The following SGSM3 variants were observed in gnomAD, a reference collection of about 807,000 sequenced individuals.
The protein encoded by SGSM3 is small G protein signaling modulator 3.
Under a neutral mutation model 100.5 loss-of-function variants are expected in SGSM3, and 96 were observed. The observed-to-expected ratio is 0.96, with a 90% CI of 0.81 to 1.13. The LOEUF is 1.13. SGSM3 is among the 50% of genes most tolerant of loss of function. SGSM3 has a pLI of 0.00. For synonymous variants in SGSM3, 483 were observed against 422.8 expected, an observed-to-expected ratio of 1.14 and a Z score of -1.75; for missense variants, 1,001 against 1,015.8, an observed-to-expected ratio of 0.99 and a Z score of 0.20.
rs1042550460 is a variant in SGSM3 at position 40,410,148 on chromosome 22, G to A, written c.*389G>A. ...TCTGTGCAGCTAGGGCTGCAGAGCT[G>A]TATTCAGGTCCAAGGTTCTGCCCTT... On this transcript the variant is annotated 3_prime_UTR_variant, in exon 22 of 22. Coordinates refer to ENST00000248929, the MANE Select transcript of SGSM3 (RefSeq NM_015705.6). 1.8e-6 allele frequency: 2 copies of A among 1,111,264 alleles called. No individual in the cohort carries two copies. The highest frequency in any genetic ancestry group is 1.6e-5 in the African/African-American group (1 of 61,602). 68.8% of individuals were successfully genotyped at this position (1,111,264 alleles called of 1,614,324 possible).
In SGSM3 at chr22:40,409,146, G is replaced by A. The variant is rs1602151584; in HGVS notation, c.1989-104G>A. The stretch of plus-strand genomic sequence containing the variant: ...GGGGCTCAGGTCCTTCCCCAAAGAG[G>A]GTGGTCTGGGAGCTGCTGAGAGACA... On this transcript the variant is annotated intron_variant, in intron 19 of 21. Transcript: ENST00000248929. 4 of 1,557,274 alleles carry A rather than the reference G, an allele frequency of 2.6e-6. No homozygotes were observed. The African/African-American group carries it at 4.1e-5, about 16-fold the overall frequency.
rs115360539 is a variant in SGSM3 at position 40,408,928 on chromosome 22, C to T, written c.1903-5C>T. On this transcript the variant is annotated splice_polypyrimidine_tract_variant and splice_region_variant and intron_variant, in intron 18 of 21. Coordinates refer to ENST00000248929, the MANE Select transcript of SGSM3 (RefSeq NM_015705.6). ...CTGAGTGACAGCTGACGGTGCCGTT[C>T]CCAGGCTGTGCAGTCTGTGAACGTG... 26 of 1,613,044 alleles carry T rather than the reference C, an allele frequency of 1.6e-5. No homozygotes were observed. The highest frequency in any genetic ancestry group is 2.2e-5 in the East Asian group (1 of 44,850).
chr22:40,397,572 G>T (rs1287964399), intron 1 of SGSM3, among the ~76,000 whole-genome samples: 1 of 152,108 alleles, frequency 6.6e-6, no homozygotes, highest in Non-Finnish European at 1.5e-5. Flanking sequence ...TACTTTCCCA[G>T]CTCACTGAGA....
At chr22:40,380,946 ATAAAT>A (rs1220940084) in intron 1 of SGSM3, among the ~76,000 whole-genome samples, 2 of 152,158 alleles carry the variant, frequency 1.3e-5, no homozygotes. Context: ...AAATAAATTA[ATAAAT>A]TAAAAATACA....
chr22:40,404,917 G>C (rs1306314814), intron 6 of SGSM3, among the ~76,000 whole-genome samples: 1 of 152,190 alleles, frequency 6.6e-6, no homozygotes, highest in African/African-American at 2.4e-5. Context: ...ATAGACTCCA[G>C]GCCTCGGGCC....
At chr22:40,390,752 C>A (rs1462374788) in intron 1 of SGSM3, among the ~76,000 whole-genome samples, 1 of 152,150 alleles carries the variant, frequency 6.6e-6, no homozygotes, top group African/African-American at 2.4e-5. Context: ...GAGAGAGTAT[C>A]AAATAAGGCT....
At position 40,398,991 on chromosome 22, in the gene SGSM3, T is replaced by C. The variant is rs1396957597; in HGVS notation, c.-111-1705T>C. On this transcript the variant is annotated intron_variant, in intron 1 of 21. Coordinates refer to ENST00000248929, the MANE Select transcript of SGSM3 (RefSeq NM_015705.6). Reference sequence around the variant, plus strand: ...AGGATTGGACTGGAGATGTCTTTACTTTTTTTTTTTGAGACAGAGTCTCAC... The same window carrying C: ...AGGATTGGACTGGAGATGTCTTTACCTTTTTTTTTTGAGACAGAGTCTCAC... 1.5e-5 allele frequency among the ~76,000 whole-genome samples: 2 copies of C among 132,382 alleles called. 1 individual carries two copies. Among genetic ancestry groups the C allele is most frequent in the Non-Finnish European group, 3.2e-5 (2 of 61,856 alleles). The allele number at this position is 132,382 out of a possible 152,430, so 86.8% of individuals were successfully genotyped here. A position where few individuals can be genotyped will look rare whatever the true frequency, so the allele number is the denominator to read the frequency against.
chr22:40,401,646 C>A lies in SGSM3; in HGVS notation c.61C>A (p.Pro21Thr), dbSNP rs756456544. The A allele has an allele frequency of 6.2e-6, 10 of 1,613,304 alleles. No homozygotes were observed. The South Asian group carries it at 1.1e-4, about 18-fold the overall frequency. Residue 21 changes from proline to threonine, a missense_variant, in exon 3 of 22, where the codon CCC becomes ACC. Transcript: ENST00000248929. ...CTCAGCCCTGACTCCGAGCATATGGCCCCAGGAGATCTTGGCCAAGTACAC... is the reference window on the plus strand; with the variant it reads ...CTCAGCCCTGACTCCGAGCATATGGACCCAGGAGATCTTGGCCAAGTACAC... ...PFSALTPSIW[P>T]QEILAKYTQK...
chr22:40,380,377 T>C (rs1268179779), intron 1 of SGSM3, among the ~76,000 whole-genome samples: 2 of 151,282 alleles, frequency 1.3e-5, no homozygotes, highest in African/African-American at 4.9e-5. Flanking sequence ...TTTTTTTTTT[T>C]TTTTCCTGAG....
intron 1 of SGSM3, chr22:40,387,543 C>T (rs1397821515): frequency 4.4e-6 from 1 of 225,214 alleles, no homozygotes; most frequent in African/African-American, 2.3e-5. Context: ...CAGTGGCCTT[C>T]TTTGCCAGTC....
chr22:40,384,712 C>T (rs892355069), intron 1 of SGSM3, among the ~76,000 whole-genome samples: 3 of 152,052 alleles, frequency 2.0e-5, no homozygotes, highest in Non-Finnish European at 4.4e-5. Context: ...ATCTGGGAGG[C>T]GGAGTTTGCA....
Position 40,409,028 on chromosome 22 carries a change from GA to G in SGSM3, c.1988+14del. 1 of 1,559,010 alleles carries G rather than the reference GA, an allele frequency of 6.4e-7. No individual in the cohort carries two copies. Among genetic ancestry groups the G allele is most frequent in the East Asian group, 2.4e-5 (1 of 41,328 alleles). ...TCTGCGTGGGGCTCAAGTGAGTGTG[GA>G]AAAGGGGTTGGAGGAGAGCCCTGGA... On this transcript the variant is annotated intron_variant, in intron 19 of 21. Coordinates refer to ENST00000248929, the MANE Select transcript of SGSM3 (RefSeq NM_015705.6).
Position 40,406,177 on chromosome 22 carries a change from G to C in SGSM3, c.914G>C (p.Gly305Ala), listed in dbSNP as rs2051474509. Reference sequence around the variant, plus strand: ...ATCTGGGACCTGTTTTTCTACGAGGGCTCCCGGGTGCTGTTCCAGCTCACG... The same window carrying C: ...ATCTGGGACCTGTTTTTCTACGAGGCCTCCCGGGTGCTGTTCCAGCTCACG... ...LRIWDLFFYE[G>A]SRVLFQLTLG... is the part of the protein sequence containing the mutation. Residue 305 changes from glycine (G) to alanine (A), a missense_variant, in exon 9 of 22, where the codon GGC (glycine) becomes GCC (alanine). Coordinates refer to ENST00000248929, the MANE Select transcript of SGSM3 (RefSeq NM_015705.6). 2.5e-6 allele frequency: 4 copies of C among 1,614,008 alleles called. No homozygotes were observed. Among genetic ancestry groups the C allele is most frequent in the Admixed American group, 3.3e-5 (2 of 60,010 alleles).
At chr22:40,397,681 C>T (rs1225011840) in intron 1 of SGSM3, among the ~76,000 whole-genome samples, 1 of 152,190 alleles carries the variant, frequency 6.6e-6, no homozygotes, top group Non-Finnish European at 1.5e-5. Context: ...CCTTCTCATT[C>T]CCCAGCCCCT....
At position 40,407,765 on chromosome 22, in the gene SGSM3, CCTG is replaced by C. The variant is rs2051817887; in HGVS notation, c.1525-20_1525-18del. 2.5e-6 allele frequency: 4 copies of C among 1,613,834 alleles called. No homozygotes were observed. The highest frequency in any genetic ancestry group is 1.1e-5 in the South Asian group (1 of 91,078). On this transcript the variant is annotated intron_variant, in intron 13 of 21. Coordinates refer to ENST00000248929, the MANE Select transcript of SGSM3 (RefSeq NM_015705.6). The surrounding 1 kb of genome is among the most constrained non-coding windows in gnomAD (Gnocchi z 4.7). ...TGGCCCAGGGCACCCAGCTTTGGTT[CCTG>C]CTGTTTTTCCTCCTGTGCAGATCGT... is the stretch of plus-strand genomic sequence containing the variant.
At chr22:40,372,731 G>C (rs749801221) in intron 1 of SGSM3, 1 of 152,302 alleles carries the variant, frequency 6.6e-6, no homozygotes, top group East Asian at 1.9e-4. Flanking sequence ...TGCCTGGAGT[G>C]GATGTAGGAA....
intron 1 of SGSM3, among the ~76,000 whole-genome samples, chr22:40,399,894 ACTTGG>A (rs1255195727): frequency 3.9e-5 from 6 of 152,120 alleles, no homozygotes; most frequent in African/African-American, 7.2e-5. Context: ...TTTATCCTAA[ACTTGG>A]CTTGGCCAGT....
rs1569203926 is a variant in SGSM3, at chr22:40,404,464, G to GCC, written c.366+10_366+11dup. The GCC allele has an allele frequency of 6.2e-7, 1 of 1,606,820 alleles. No individual in the cohort carries two copies. Among genetic ancestry groups the GCC allele is most frequent in the East Asian group, 2.2e-5 (1 of 44,808 alleles). On this transcript the variant is annotated intron_variant, in intron 5 of 21. Transcript: ENST00000248929. ...ATGGCATGAGGCCACAGGTAAGGTG[G>GCC]CCACAGGGACCCACAGGGTGTTGAG...
chr22:40,386,535 C>G (rs1275497841), intron 1 of SGSM3, among the ~76,000 whole-genome samples: 1 of 92,386 alleles, frequency 1.1e-5, no homozygotes, highest in South Asian at 3.6e-4. Context: ...TTAAATCAGT[C>G]TTTTGACCTC....
Sources: allele counts gnomAD v4.1 joint callset (sites outside exome capture counted in the v4.1 genomes callset), GRCh38; gene constraint gnomAD v4.1.1; non-coding constraint Gnocchi (gnomAD v3.1); transcripts MANE v1.5; gene names NCBI Gene and HGNC (gene_info 2026-07-23, HGNC 2026-07-21).